The following EPRS1 variants were observed in gnomAD, a reference collection of about 807,000 sequenced individuals.
EPRS1 encodes the protein bifunctional glutamate/proline--tRNA ligase.
Under a neutral mutation model 188.3 loss-of-function variants are expected in EPRS1, and 107 were observed. The observed-to-expected ratio is 0.57, with a 90% CI of 0.49 to 0.67. The LOEUF (loss-of-function observed/expected upper bound fraction) is 0.67, where lower values mean the gene tolerates loss of function less well. Ranked by LOEUF, EPRS1 falls within the 30% of genes least tolerant of loss-of-function variation. The probability of loss-of-function intolerance (pLI) is 0.00; values close to 1 mark genes in which losing one functional copy is unlikely to be tolerated. For missense variants in EPRS1, 1,577 were observed against 1,802.2 expected, an observed-to-expected ratio of 0.88 and a Z score of 2.26; for synonymous variants, 596 against 593.1, an observed-to-expected ratio of 1.00 and a Z score of -0.07.
chr1:219,976,880 T>C lies in EPRS1; in HGVS notation c.4083+1666A>G, dbSNP rs181388163. Among the ~76,000 whole-genome samples the C allele has an allele frequency of 3.5e-3, 540 of 152,290 alleles. 3 individuals are homozygous for C. Among genetic ancestry groups the C allele is most frequent in the African/African-American group, 0.012 (519 of 41,564 alleles). ...TTAAAAGATTCGTGTTTTGTTTCTA[T>C]AGCAACACAGAATTATCTTACTCTT... is the stretch of plus-strand genomic sequence containing the variant. On this transcript the variant is annotated intron_variant, in intron 28 of 31. Coordinates refer to ENST00000366923, the MANE Select transcript of EPRS1 (RefSeq NM_004446.3).
At chr1:220,041,230 G>C (rs568548465) in intron 1 of EPRS1, among the ~76,000 whole-genome samples, 1 of 152,032 alleles carries the variant, frequency 6.6e-6, no homozygotes, top group South Asian at 2.1e-4. Context: ...TACCCAGGGG[G>C]CTGAGGTGGC....
chr1:220,018,509 C>G lies in EPRS1; in HGVS notation c.1435-1G>C. ...TGTTCACGACTGAACGTGAGGAGCC[C>G]TAAAAAACAATAACAACATGATTTT... On this transcript the variant is annotated splice_acceptor_variant, in intron 11 of 31. Transcript: ENST00000366923. LOFTEE classifies it high-confidence loss of function. 6.2e-7 allele frequency: 1 copy of G among 1,603,154 alleles called. No homozygotes were observed. The highest frequency in any genetic ancestry group is 8.5e-7 in the Non-Finnish European group (1 of 1,173,802).
At chr1:219,996,543 A>G (rs1661235457) in intron 18 of EPRS1, among the ~76,000 whole-genome samples, 2 of 152,230 alleles carry the variant, frequency 1.3e-5, no homozygotes, top group Admixed American at 6.5e-5. Context: ...TTACCAAGCC[A>G]GTAATTCTGG....
At chr1:219,976,079 T>C (rs886945638) in intron 28 of EPRS1, among the ~76,000 whole-genome samples, 8 of 152,046 alleles carry the variant, frequency 5.3e-5, no homozygotes, top group Admixed American at 3.3e-4. Context: ...TAAAGAATGA[T>C]GGAGAATGCC....
rs1661829957 is a variant in EPRS1, at chr1:220,019,997, A to G, written c.1340T>C (p.Val447Ala). The G allele has an allele frequency of 8.7e-6, 14 of 1,603,856 alleles. No individual in the cohort carries two copies. The highest frequency in any genetic ancestry group is 1.1e-5 in the Non-Finnish European group (13 of 1,170,894). Residue 447 changes from valine to alanine, a missense_variant, in exon 10 of 32, where the codon GTA (valine) becomes GCA (alanine). Val to Ala is a moderately conservative substitution (Grantham distance 64). This residue lies in a region of EPRS1 where 1,278 missense variants were observed against 1,457.4 expected (regional missense o/e 0.88). Coordinates refer to ENST00000366923, the MANE Select transcript of EPRS1 (RefSeq NM_004446.3). ...GTAACATTAAACATACCATCCATCTACTAGTCCTTCATTGACAAACCATGT... is the reference window on the plus strand; with the variant it reads ...GTAACATTAAACATACCATCCATCTGCTAGTCCTTCATTGACAAACCATGT... ...KLTWFVNEGL[V>A]DGWDDPRFPT...
chr1:219,998,974 T>C lies in EPRS1; in HGVS notation c.2182-1632A>G, dbSNP rs1464831080. 2.0e-5 allele frequency among the ~76,000 whole-genome samples: 3 copies of C among 151,508 alleles called. No individual in the cohort carries two copies. The South Asian group carries it at 6.3e-4, about 32-fold the overall frequency. On this transcript the variant is annotated intron_variant, in intron 17 of 31. Coordinates refer to ENST00000366923, the MANE Select transcript of EPRS1 (RefSeq NM_004446.3). ...TGTGTGTGATTTTTTCCCTGTGTAT[T>C]CCAGTTTTATGTCAAATAAAGAAGC...
chr1:220,025,425 C>G (rs1337256407), intron 6 of EPRS1, among the ~76,000 whole-genome samples, 167 bp from the exon 7 acceptor site: 1 of 38,798 alleles, frequency 2.6e-5, no homozygotes, highest in Non-Finnish European at 4.1e-5. Context: ...CTGACCCTGA[C>G]AGGAAAAAAA....
At chr1:220,020,759 A>G (rs1056675518) in intron 9 of EPRS1, among the ~76,000 whole-genome samples, 1 of 148,116 alleles carries the variant, frequency 6.8e-6, no homozygotes, top group Non-Finnish European at 1.5e-5. Flanking sequence ...TTAAGATGAA[A>G]TAGTCTAAAA....
At chr1:220,033,706 TATAAA>T in intron 3 of EPRS1, 48 bp from the exon 4 acceptor site, 1 of 1,436,348 alleles carries the variant, frequency 7.0e-7, no homozygotes, top group South Asian at 1.2e-5. Context: ...CATTTCAACT[TATAAA>T]AAGAAAGACC....
intron 3 of EPRS1, among the ~76,000 whole-genome samples, chr1:220,034,504 T>C (rs1464119373): frequency 2.0e-5 from 3 of 152,204 alleles, no homozygotes; most frequent in Non-Finnish European, 2.9e-5. Flanking sequence ...AAACAAGGCA[T>C]ACACTTAGAA....
chr1:220,002,389 T>C (rs1049214887), intron 16 of EPRS1, among the ~76,000 whole-genome samples: 1 of 151,886 alleles, frequency 6.6e-6, no homozygotes, highest in African/African-American at 2.4e-5. Flanking sequence ...TTCCAATCTA[T>C]GAACTTTCGT....
chr1:220,045,958 A>G (rs1352075264), intron 1 of EPRS1, among the ~76,000 whole-genome samples: 1 of 152,226 alleles, frequency 6.6e-6, no homozygotes, highest in Non-Finnish European at 1.5e-5. Flanking sequence ...CTAAAAGAGA[A>G]GCGACGACTA....
chr1:220,022,349 GT>G lies in EPRS1; in HGVS notation c.1112del (p.Tyr371SerfsTer13). 6.2e-7 allele frequency: 1 copy of G among 1,611,988 alleles called. No individual in the cohort carries two copies. Among genetic ancestry groups the G allele is most frequent in the Non-Finnish European group, 8.5e-7 (1 of 1,178,754 alleles). ...IQPHPRTGNK[Y>X]NVYPTYDFAC... ...CATATTGAAGGAGATATACTTACTT[GT>G]ATTTATTTCCAGTTCTTGGATGTGG... On this transcript the variant is annotated frameshift_variant, in exon 9 of 32. Transcript: ENST00000366923. LOFTEE classifies it high-confidence loss of function.
At chr1:219,989,954 GA>G (rs1234603863) in intron 18 of EPRS1, among the ~76,000 whole-genome samples, 1 of 151,626 alleles carries the variant, frequency 6.6e-6, no homozygotes, top group Non-Finnish European at 1.5e-5. Context: ...ATCAAGGGGG[GA>G]AAAAAGGGAA....
At chr1:219,976,127 G>T (rs1660776410) in intron 28 of EPRS1, among the ~76,000 whole-genome samples, 1 of 152,130 alleles carries the variant, frequency 6.6e-6, no homozygotes, top group East Asian at 1.9e-4. Context: ...GATCCTAATG[G>T]TCAAGCCGAA....
intron 1 of EPRS1, among the ~76,000 whole-genome samples, chr1:220,044,833 T>C (rs1662371510): frequency 6.6e-6 from 1 of 152,112 alleles, no homozygotes; most frequent in Admixed American, 6.6e-5. Flanking sequence ...AAGGAACTTG[T>C]CAAGGTTTCA....
chr1:219,972,213 A>C, intron 29 of EPRS1, 66 bp from the exon 30 acceptor site: 1 of 1,003,196 alleles, frequency 1.0e-6, no homozygotes, highest in Non-Finnish European at 1.5e-6. Flanking sequence ...TTTATGAAAC[A>C]CATAAGCACA....
intron 6 of EPRS1, among the ~76,000 whole-genome samples, chr1:220,026,818 T>A (rs1049632789): frequency 6.6e-6 from 1 of 151,950 alleles, no homozygotes; most frequent in Non-Finnish European, 1.5e-5. Context: ...AGTTACCTGG[T>A]TTCCCACACA....
intron 16 of EPRS1, 36 bp from the exon 17 acceptor site, chr1:220,001,291 G>T: frequency 8.1e-7 from 1 of 1,236,236 alleles, no homozygotes; most frequent in Non-Finnish European, 1.2e-6. Flanking sequence ...TAGTTTATTT[G>T]AACAAAATTA....
Sources: allele counts gnomAD v4.1 joint callset (sites outside exome capture counted in the v4.1 genomes callset), GRCh38; gene constraint gnomAD v4.1.1; regional missense constraint gnomAD v4.1.1; transcripts MANE v1.5; gene names NCBI Gene and HGNC (gene_info 2026-07-23, HGNC 2026-07-21).